Variants in ISM1 observed in about 807,000 individuals in gnomAD.
ISM1 encodes isthmin-1.
ISM1 carries 25 observed loss-of-function variants against 46.3 expected under a neutral mutation model. That is an observed-to-expected ratio of 0.54 (90% CI 0.39 to 0.75). The LOEUF (loss-of-function observed/expected upper bound fraction) is 0.75, where lower values mean the gene tolerates loss of function less well. Among genes scored for constraint, ISM1 ranks in the 30% least tolerant of loss-of-function variants. The pLI is 0.00. For missense variants in ISM1, 536 were observed against 625.4 expected, an observed-to-expected ratio of 0.86 and a Z score of 1.52; for synonymous variants, 255 against 256.7, an observed-to-expected ratio of 0.99 and a Z score of 0.06.
chr20:13,299,289 G>C lies in ISM1; in HGVS notation c.1225G>C (p.Glu409Gln), dbSNP rs773926392. 33 of 1,612,630 alleles carry C rather than the reference G, an allele frequency of 2.0e-5. No individual in the cohort carries two copies. The highest frequency in any genetic ancestry group is 2.6e-5 in the Non-Finnish European group (31 of 1,179,314). The change falls in exon 6 of 6, where the codon GAG becomes CAG. Residue 409 changes from glutamate to glutamine, a missense_variant. This residue lies in a region of ISM1 where 169 missense variants were observed against 249.3 expected (regional missense o/e 0.68). Coordinates refer to ENST00000262487, the MANE Select transcript of ISM1 (RefSeq NM_080826.2). This position sits in a 1 kb window ranked among gnomAD's most constrained non-coding sequence, Gnocchi z 5.8. Reference protein sequence around the residue: ...GAGTPNLISTEFSAELHYKVD... With the variant: ...GAGTPNLISTQFSAELHYKVD... Reference sequence around the variant, plus strand: ...GGGCACGCCCAACCTCATCAGCACCGAGTTCTCCGCGGAGCTCCACTACAA... The same window carrying C: ...GGGCACGCCCAACCTCATCAGCACCCAGTTCTCCGCGGAGCTCCACTACAA...
At chr20:13,233,544 A>C (rs1180259969) in intron 1 of ISM1, among the ~76,000 whole-genome samples, 1 of 151,558 alleles carries the variant, frequency 6.6e-6, no homozygotes, top group Admixed American at 6.6e-5. Context: ...GCAATGAGCC[A>C]AGACTGTGCT....
chr20:13,317,921 G>A, the ISM1 span, among the ~76,000 whole-genome samples: 36 of 2,624 alleles, frequency 0.014, no homozygotes, highest in African/African-American at 0.062. Flanking sequence ...GGCACTATCC[G>A]TGGAAAAAAA....
At chr20:13,315,037 A>G in the ISM1 span, among the ~76,000 whole-genome samples, 1 of 152,142 alleles carries the variant, frequency 6.6e-6, no homozygotes, top group Non-Finnish European at 1.5e-5. Flanking sequence ...AAAAGGAAGT[A>G]TAACTAATAT....
chr20:13,251,319 A>T (rs1384024320), intron 1 of ISM1, among the ~76,000 whole-genome samples: 3 of 152,240 alleles, frequency 2.0e-5, no homozygotes, highest in African/African-American at 7.2e-5. Context: ...AAAAATGTTT[A>T]TGGAGACTGT....
chr20:13,224,927 C>A (rs371717386), intron 1 of ISM1, among the ~76,000 whole-genome samples: 2 of 149,334 alleles, frequency 1.3e-5, no homozygotes. Flanking sequence ...CTCACTGCAA[C>A]CTCCACTTCC....
At chr20:13,294,282 G>A (rs968500270) in intron 5 of ISM1, among the ~76,000 whole-genome samples, 4 of 152,276 alleles carry the variant, frequency 2.6e-5, no homozygotes, top group East Asian at 1.9e-4. Context: ...ATTCAGTGTC[G>A]CTAGGGCCTC....
At chr20:13,233,036 A>AAG (rs397957975) in intron 1 of ISM1, among the ~76,000 whole-genome samples, 1 of 151,752 alleles carries the variant, frequency 6.6e-6, no homozygotes, top group Non-Finnish European at 1.5e-5. Context: ...AAAAAAAAAA[A>AAG]GAAAACAGGC....
chr20:13,239,965 A>C (rs1170039054), intron 1 of ISM1, among the ~76,000 whole-genome samples: 1 of 152,216 alleles, frequency 6.6e-6, no homozygotes, highest in Non-Finnish European at 1.5e-5. Context: ...GTACATCTAA[A>C]GTGCTGGGAT....
At chr20:13,233,319 G>A (rs2039610513) in intron 1 of ISM1, among the ~76,000 whole-genome samples, 1 of 152,100 alleles carries the variant, frequency 6.6e-6, no homozygotes, top group Admixed American at 6.5e-5. Context: ...GATCCTGCCG[G>A]GCGCGGTGGC....
At chr20:13,245,278 G>GT (rs1442995208) in intron 1 of ISM1, 2 of 152,204 alleles carry the variant, frequency 1.3e-5, no homozygotes, top group Non-Finnish European at 2.9e-5. Flanking sequence ...ACAGGCTACA[G>GT]TAAAGGTAGC....
At chr20:13,298,872 T>A (rs2040432422) in intron 5 of ISM1, 70 bp from the exon 6 acceptor site, 3 of 1,513,494 alleles carry the variant, frequency 2.0e-6, no homozygotes, top group Non-Finnish European at 1.8e-6. Context: ...TGGTGTCACA[T>A]GCTCCTTGAA....
rs1355069199 is a variant in ISM1, at chr20:13,221,904, C to T, written c.128C>T (p.Ala43Val). The change falls in exon 1 of 6, where the codon GCC becomes GTC. Residue 43 changes from alanine (A) to valine (V), a missense_variant. Ala to Val is a moderately conservative substitution (Grantham distance 64). Transcript: ENST00000262487. ...PDAAAGNASQ[A>V]QLQNNLNVGS... ...GCGGCCGCGGGCAACGCCAGCCAAGCCCAGCTGCAGGTGAGTGCGCCGCCG... is the reference window on the plus strand; with the variant it reads ...GCGGCCGCGGGCAACGCCAGCCAAGTCCAGCTGCAGGTGAGTGCGCCGCCG... 1.5e-6 allele frequency: 2 copies of T among 1,371,216 alleles called. No homozygotes were observed. Among genetic ancestry groups the T allele is most frequent in the Admixed American group, 3.6e-5 (1 of 27,822 alleles). The allele number at this position is 1,371,216 out of a possible 1,614,324, so 84.9% of individuals were successfully genotyped here.
At chr20:13,323,770 T>TC in the ISM1 span, among the ~76,000 whole-genome samples, 1 of 152,186 alleles carries the variant, frequency 6.6e-6, no homozygotes, top group Non-Finnish European at 1.5e-5. Flanking sequence ...AAAGCCTTCT[T>TC]CTTCAATCCC....
intron 1 of ISM1, among the ~76,000 whole-genome samples, chr20:13,242,496 G>A (rs2039737964): frequency 6.6e-6 from 1 of 152,164 alleles, no homozygotes; most frequent in African/African-American, 2.4e-5. Context: ...TATCATGGAG[G>A]AAAAGCCCGA....
intron 1 of ISM1, among the ~76,000 whole-genome samples, chr20:13,247,945 C>T (rs1379704837): frequency 6.6e-6 from 1 of 152,124 alleles, no homozygotes; most frequent in African/African-American, 2.4e-5. Flanking sequence ...AAATCCCTTG[C>T]CTTTGTGGGT....
the ISM1 span, among the ~76,000 whole-genome samples, chr20:13,322,689 G>T: frequency 6.6e-6 from 1 of 152,174 alleles, no homozygotes; most frequent in East Asian, 1.9e-4. Flanking sequence ...GACAGGATAA[G>T]GAATAGCTGC....
At chr20:13,238,601 T>C (rs2039680805) in intron 1 of ISM1, among the ~76,000 whole-genome samples, 1 of 152,180 alleles carries the variant, frequency 6.6e-6, no homozygotes, top group Non-Finnish European at 1.5e-5. Context: ...AACAACAAAG[T>C]TGTTTTTATG....
At chr20:13,284,752 G>C (rs6041992) in intron 3 of ISM1, among the ~76,000 whole-genome samples, 2,386 of 152,260 alleles carry the variant, frequency 0.016, 77 homozygotes, top group African/African-American at 0.053. Flanking sequence ...TCACTTCACT[G>C]TCAGCCTCAA....
the ISM1 span, among the ~76,000 whole-genome samples, chr20:13,319,170 C>T: frequency 2.0e-5 from 3 of 151,694 alleles, no homozygotes; most frequent in South Asian, 2.1e-4. Flanking sequence ...CGTTATGAAA[C>T]TAAAAATGCT....
Sources: allele counts gnomAD v4.1 joint callset (sites outside exome capture counted in the v4.1 genomes callset), GRCh38; gene constraint gnomAD v4.1.1; regional missense constraint gnomAD v4.1.1; non-coding constraint Gnocchi (gnomAD v3.1); transcripts MANE v1.5; gene names NCBI Gene and HGNC (gene_info 2026-07-23, HGNC 2026-07-21).